Variants in NCAM2 observed in about 807,000 individuals in gnomAD.
NCAM2 encodes neural cell adhesion molecule 2.
A neutral mutation model predicts 98.1 loss-of-function variants in NCAM2; 30 were observed. That is an observed-to-expected ratio of 0.31 (90% CI 0.23 to 0.41). The LOEUF (loss-of-function observed/expected upper bound fraction) is 0.41, where lower values mean the gene tolerates loss of function less well. NCAM2 is among the 10% of genes least tolerant of loss of function. The pLI, the probability that NCAM2 is intolerant of heterozygous loss-of-function variation, is 1.00. For missense variants in NCAM2, 867 were observed against 1,005.8 expected (o/e 0.86, Z 1.87); for synonymous variants, 368 against 342.4 (o/e 1.07, Z -0.83).
chr21:21,118,715 C>T (rs1484353938), intron 1 of NCAM2, among the ~76,000 whole-genome samples: 1 of 152,050 alleles, frequency 6.6e-6, no homozygotes, highest in African/African-American at 2.4e-5. Flanking sequence ...GCTATCCTTT[C>T]CTTCCCAATA....
chr21:21,179,529 T>C (rs2068401602), intron 1 of NCAM2, among the ~76,000 whole-genome samples: 1 of 152,218 alleles, frequency 6.6e-6, no homozygotes, highest in Non-Finnish European at 1.5e-5. Context: ...ATGCTATTGG[T>C]GTTAACTATA....
At chr21:21,335,716 G>C (rs1421487267) in intron 7 of NCAM2, 51 bp downstream of exon 7, 1 of 1,369,890 alleles carries the variant, frequency 7.3e-7, no homozygotes, top group Non-Finnish European at 9.6e-7. Context: ...TGGAAGATCA[G>C]AGTGAAATTC....
At chr21:21,241,389 A>G (rs1176408605) in intron 1 of NCAM2, among the ~76,000 whole-genome samples, 1 of 152,204 alleles carries the variant, frequency 6.6e-6, no homozygotes, top group African/African-American at 2.4e-5. Context: ...GTCTTTTTAC[A>G]TTAAATTCTA....
chr21:21,266,174 A>C (rs891963002), intron 1 of NCAM2, among the ~76,000 whole-genome samples: 1 of 151,808 alleles, frequency 6.6e-6, no homozygotes, highest in Admixed American at 6.6e-5. Context: ...AAAATAATTA[A>C]CTCCTTTTCT....
intron 5 of NCAM2, among the ~76,000 whole-genome samples, chr21:21,320,025 G>A (rs896188296): frequency 2.0e-5 from 3 of 152,104 alleles, no homozygotes; most frequent in African/African-American, 4.8e-5. Context: ...CGCTTCTACA[G>A]TCTGATGGTA....
Position 21,077,511 on chromosome 21 carries a change from C to T in NCAM2, c.55+78893C>T, listed in dbSNP as rs1284722659. ...TAATGAGGCCCACAGTGTAACATTTCGTAAATGAGAATGCCCATATGTAAC... is the reference window on the plus strand; with the variant it reads ...TAATGAGGCCCACAGTGTAACATTTTGTAAATGAGAATGCCCATATGTAAC... On this transcript the variant is annotated intron_variant, in intron 1 of 17. Transcript: ENST00000400546. 2.6e-5 allele frequency among the ~76,000 whole-genome samples: 4 copies of T among 152,074 alleles called. No individual in the cohort carries two copies. In the South Asian group the frequency reaches 6.2e-4, roughly 24 times the overall value.
At chr21:21,359,061 A>G (rs1172943665) in intron 8 of NCAM2, among the ~76,000 whole-genome samples, 1 of 152,034 alleles carries the variant, frequency 6.6e-6, no homozygotes, top group Non-Finnish European at 1.5e-5. Context: ...GCTGAACAAC[A>G]TACCACCAGT....
chr21:21,226,036 G>T (rs1023962458), intron 1 of NCAM2, among the ~76,000 whole-genome samples: 1 of 151,944 alleles, frequency 6.6e-6, no homozygotes, highest in Non-Finnish European at 1.5e-5. Context: ...GGCCATTTTC[G>T]TAAGCAAATT....
intron 1 of NCAM2, among the ~76,000 whole-genome samples, chr21:21,084,815 G>A (rs1379460381): frequency 6.6e-6 from 1 of 152,116 alleles, no homozygotes; most frequent in Non-Finnish European, 1.5e-5. Flanking sequence ...TGTTTATATG[G>A]ATGAATATAG....
intron 1 of NCAM2, among the ~76,000 whole-genome samples, chr21:21,145,581 T>C (rs1202836233): frequency 6.6e-6 from 1 of 152,124 alleles, no homozygotes; most frequent in Non-Finnish European, 1.5e-5. Flanking sequence ...CTGCAAAATT[T>C]TTAAGTAGTC....
At chr21:21,480,832 G>A (rs1176232878) in intron 15 of NCAM2, among the ~76,000 whole-genome samples, 1 of 152,240 alleles carries the variant, frequency 6.6e-6, no homozygotes, top group Non-Finnish European at 1.5e-5. Flanking sequence ...GATTCAGTCA[G>A]TAATGACTTC....
intron 15 of NCAM2, among the ~76,000 whole-genome samples, chr21:21,495,610 G>C (rs921870870): frequency 6.6e-6 from 1 of 151,986 alleles, no homozygotes; most frequent in Non-Finnish European, 1.5e-5. Flanking sequence ...GAATTCACTT[G>C]CAAGCTCCAT....
At chr21:21,419,042 T>C (rs1439327073) in intron 11 of NCAM2, among the ~76,000 whole-genome samples, 8 of 152,272 alleles carry the variant, frequency 5.3e-5, no homozygotes, top group East Asian at 1.9e-4. Flanking sequence ...CCTTAGACTT[T>C]AGCGTGTCTA....
chr21:21,031,728 A>G (rs1330419816), intron 1 of NCAM2, among the ~76,000 whole-genome samples: 1 of 152,192 alleles, frequency 6.6e-6, no homozygotes, highest in Non-Finnish European at 1.5e-5. Flanking sequence ...AATGAACTGA[A>G]CATTTTTTAC....
At chr21:21,009,626 G>C (rs1209308209) in intron 1 of NCAM2, among the ~76,000 whole-genome samples, 1 of 151,814 alleles carries the variant, frequency 6.6e-6, no homozygotes, top group Non-Finnish European at 1.5e-5. Flanking sequence ...GATTAGATAT[G>C]GTCAATAGTA....
At chr21:21,210,787 C>G (rs968001179) in intron 1 of NCAM2, 1 of 456,958 alleles carries the variant, frequency 2.2e-6, no homozygotes, top group Non-Finnish European at 3.4e-6. Context: ...TACTAGAACT[C>G]CCCTAGAGGG....
chr21:21,160,224 A>G (rs376167249), intron 1 of NCAM2, among the ~76,000 whole-genome samples: 2 of 152,116 alleles, frequency 1.3e-5, no homozygotes, highest in African/African-American at 4.8e-5. Context: ...AGACCAAAAG[A>G]TAATGAATGA....
At chr21:21,284,743 A>G (rs2073045704) in intron 3 of NCAM2, among the ~76,000 whole-genome samples, 1 of 151,624 alleles carries the variant, frequency 6.6e-6, no homozygotes, top group African/African-American at 2.4e-5. Context: ...GAAGGTCATG[A>G]TTAGAATAAA....
intron 1 of NCAM2, among the ~76,000 whole-genome samples, chr21:21,204,530 G>T (rs1020209652): frequency 2.0e-5 from 3 of 152,036 alleles, no homozygotes; most frequent in Non-Finnish European, 4.4e-5. Context: ...GCTTTTTAAG[G>T]CTGAAAAGAA....
Sources: gnomAD v4.1 joint callset for allele counts (sites outside exome capture counted in the v4.1 genomes callset) on GRCh38, gnomAD v4.1.1 for gene constraint, MANE v1.5 for transcripts, NCBI Gene and HGNC (gene_info 2026-07-23, HGNC 2026-07-21) for gene names.